ANXA7: variants seen among roughly 807,000 people sequenced by gnomAD.
ANXA7 encodes the protein annexin A7.
A neutral mutation model predicts 64.9 loss-of-function variants in ANXA7; 55 were observed. The ratio of observed to expected loss-of-function variants is 0.85; its 90% CI spans 0.68 to 1.06. The LOEUF (loss-of-function observed/expected upper bound fraction) is 1.06, where lower values mean the gene tolerates loss of function less well. ANXA7 is among the 50% of genes least tolerant of loss of function. The probability of loss-of-function intolerance (pLI) is 0.00; values close to 1 mark genes in which losing one functional copy is unlikely to be tolerated. For synonymous variants in ANXA7, 200 were observed against 192.4 expected (o/e 1.04, Z -0.33); for missense variants, 548 against 582.1 (o/e 0.94, Z 0.60).
At chr10:73,397,028 C>A in intron 4 of ANXA7, 136 bp downstream of exon 4, 4 of 484,588 alleles carry the variant, frequency 8.3e-6, no homozygotes, top group Non-Finnish European at 1.5e-5. Flanking sequence ...TTCATAAAAC[C>A]ATTATGTTTA....
chr10:73,404,769 T>A (rs1227402220), intron 1 of ANXA7, among the ~76,000 whole-genome samples: 1 of 150,760 alleles, frequency 6.6e-6, no homozygotes, highest in East Asian at 1.9e-4. Context: ...CTAAAGCAAA[T>A]GTAAATAAAC....
At chr10:73,388,217 G>T in intron 6 of ANXA7, 95 bp downstream of exon 6, 1 of 852,930 alleles carries the variant, frequency 1.2e-6, no homozygotes, top group Non-Finnish European at 1.9e-6. Context: ...CACCCAGGCT[G>T]ACACATAAAC....
intron 7 of ANXA7, among the ~76,000 whole-genome samples, chr10:73,386,092 T>A (rs2055364849): frequency 6.6e-6 from 1 of 151,590 alleles, no homozygotes; most frequent in South Asian, 2.1e-4. Flanking sequence ...CAGACACCTA[T>A]AATTCCAGCT....
Position 73,383,576 on chromosome 10 carries a change from C to T in ANXA7, c.747+1G>A. On this transcript the variant is annotated splice_donor_variant, in intron 8 of 12. Coordinates refer to ENST00000372921, the MANE Select transcript of ANXA7 (RefSeq NM_001156.5). LOFTEE classifies it high-confidence loss of function. The stretch of plus-strand genomic sequence containing the variant: ...TCATAATAAATGACATATAGTAGTA[C>T]CTGCATTGCTTTCCGTAAGCTCCAG... 1.3e-6 allele frequency: 2 copies of T among 1,596,164 alleles called. No homozygotes were observed. Among genetic ancestry groups the T allele is most frequent in the Non-Finnish European group, 1.7e-6 (2 of 1,164,176 alleles).
At chr10:73,406,655 G>A (rs907450340) in intron 1 of ANXA7, among the ~76,000 whole-genome samples, 3 of 151,970 alleles carry the variant, frequency 2.0e-5, no homozygotes, top group Non-Finnish European at 4.4e-5. Context: ...CTGTAGCCTC[G>A]AATTCCTGGG....
At chr10:73,387,485 A>G (rs192517627) in intron 7 of ANXA7, among the ~76,000 whole-genome samples, 25 of 152,330 alleles carry the variant, frequency 1.6e-4, no homozygotes, top group Admixed American at 9.2e-4. Flanking sequence ...ATTGCACTCC[A>G]GCCTGGATGT....
chr10:73,389,739 C>T (rs1172559626), intron 5 of ANXA7, among the ~76,000 whole-genome samples: 1 of 152,200 alleles, frequency 6.6e-6, no homozygotes, highest in South Asian at 2.1e-4. Context: ...AATCCTCCTG[C>T]CTCAGCCTCC....
intron 9 of ANXA7, 64 bp downstream of exon 9, chr10:73,383,111 A>G: frequency 6.9e-7 from 1 of 1,439,188 alleles, no homozygotes; most frequent in Non-Finnish European, 9.4e-7. Context: ...AAGAATGCTC[A>G]CTGGCAAAAG....
chr10:73,390,170 C>T (rs1358613058), intron 5 of ANXA7, among the ~76,000 whole-genome samples: 2 of 152,062 alleles, frequency 1.3e-5, no homozygotes, highest in Non-Finnish European at 2.9e-5. Flanking sequence ...GCAATCAATA[C>T]CATTTCAAAA....
In ANXA7 at chr10:73,402,609, G is replaced by T. The variant is rs535715252; in HGVS notation, c.-1-1752C>A. 1.1e-3 allele frequency among the ~76,000 whole-genome samples: 163 copies of T among 152,194 alleles called. 3 individuals carry two copies. Among genetic ancestry groups the T allele is most frequent in the Admixed American group, 9.6e-3 (146 of 15,276 alleles). Reference sequence around the variant, plus strand: ...GACTTTTAAGGTTTAAAAAGTTTTTGATTTAGTTTTGTAATTATGTAAAAC... The same window carrying T: ...GACTTTTAAGGTTTAAAAAGTTTTTTATTTAGTTTTGTAATTATGTAAAAC... On this transcript the variant is annotated intron_variant, in intron 1 of 12. Transcript: ENST00000372921.
chr10:73,394,566 T>C (rs555932749), intron 5 of ANXA7, among the ~76,000 whole-genome samples: 8 of 152,288 alleles, frequency 5.3e-5, no homozygotes, highest in Non-Finnish European at 7.3e-5. Context: ...TGTAGGGACA[T>C]GGATGAAGCT....
At position 73,398,326 on chromosome 10, in the gene ANXA7, A is replaced by T; in HGVS notation, c.114T>A (p.Phe38Leu). The change falls in exon 3 of 13, where the codon TTT (phenylalanine) becomes TTA (leucine). Residue 38 changes from phenylalanine (F) to leucine (L), a missense_variant. Phe to Leu is a conservative substitution (Grantham distance 22, BLOSUM62 0). Coordinates refer to ENST00000372921, the MANE Select transcript of ANXA7 (RefSeq NM_001156.5). ...PSGQYPYPSG[F>L]PPMGGGAYPQ... is the part of the protein sequence containing the mutation. ...GGTAGGCACCTCCTCCCATTGGAGG[A>T]AAGCCACTAGGATAAGGATACTGAC... The T allele has an allele frequency of 6.2e-7, 1 of 1,614,166 alleles. No individual in the cohort carries two copies. Among genetic ancestry groups the T allele is most frequent in the Middle Eastern group, 1.6e-4 (1 of 6,062 alleles).
At chr10:73,408,656 A>G (rs925755805) in intron 1 of ANXA7, among the ~76,000 whole-genome samples, 2 of 152,216 alleles carry the variant, frequency 1.3e-5, no homozygotes, top group Non-Finnish European at 2.9e-5. Flanking sequence ...TAAGAAAGTG[A>G]ATTTTGGTAC....
At chr10:73,402,291 T>C (rs1564532461) in intron 1 of ANXA7, among the ~76,000 whole-genome samples, 1 of 152,062 alleles carries the variant, frequency 6.6e-6, no homozygotes, top group Non-Finnish European at 1.5e-5. Context: ...TGGGCTCAGG[T>C]GATCCTCCCA....
intron 5 of ANXA7, chr10:73,395,808 A>C: frequency 2.6e-5 from 15 of 582,370 alleles, no homozygotes; most frequent in South Asian, 1.9e-4. Flanking sequence ...AAAAGAAGCC[A>C]TACGGAGTAG....
chr10:73,400,215 G>T (rs1451554553), intron 2 of ANXA7, among the ~76,000 whole-genome samples: 1 of 152,020 alleles, frequency 6.6e-6, no homozygotes, highest in Non-Finnish European at 1.5e-5. Context: ...TTAGTCCTCA[G>T]AGTAGTATAG....
At chr10:73,399,736 G>C (rs908522959) in intron 2 of ANXA7, among the ~76,000 whole-genome samples, 1 of 151,236 alleles carries the variant, frequency 6.6e-6, no homozygotes, top group East Asian at 1.9e-4. Context: ...CAGGAGAATC[G>C]CTTGAACCCC....
intron 1 of ANXA7, among the ~76,000 whole-genome samples, chr10:73,403,081 C>A (rs1450116288): frequency 6.6e-6 from 1 of 152,190 alleles, no homozygotes; most frequent in Non-Finnish European, 1.5e-5. Flanking sequence ...CCTTGGCCTC[C>A]CAAAGTGCTG....
rs964094725 is a variant in ANXA7, at chr10:73,399,696, C to A, written c.54+1107G>T. ...CCTAGCTGGGCGTGGTGGCACGTAC[C>A]TGTAATCCCAGCTACTCAGGAGGCT... On this transcript the variant is annotated intron_variant, in intron 2 of 12. Coordinates refer to ENST00000372921, the MANE Select transcript of ANXA7 (RefSeq NM_001156.5). Among the ~76,000 whole-genome samples the A allele has an allele frequency of 2.0e-5, 3 of 152,116 alleles. 1 individual carries two copies. The highest frequency in any genetic ancestry group is 7.2e-5 in the African/African-American group (3 of 41,396).
Sources: allele counts gnomAD v4.1 joint callset (sites outside exome capture counted in the v4.1 genomes callset), GRCh38; gene constraint gnomAD v4.1.1; transcripts MANE v1.5; gene names NCBI Gene and HGNC (gene_info 2026-07-23, HGNC 2026-07-21).